Variants in KIF4A observed in about 807,000 individuals in gnomAD.
KIF4A encodes the protein kinesin family member 4A.
In KIF4A, 7 loss-of-function variants were observed where a neutral mutation model predicts 105.9. The ratio of observed to expected loss-of-function variants is 0.07; its 90% CI spans 0.04 to 0.12. KIF4A has a LOEUF of 0.12. KIF4A is among the 10% of genes least tolerant of loss of function. KIF4A has a pLI of 1.00. For synonymous variants in KIF4A, 281 were observed against 331.3 expected, an observed-to-expected ratio of 0.85 and a Z score of 1.65; for missense variants, 558 against 929.2, an observed-to-expected ratio of 0.60 and a Z score of 5.19.
chrX:70,325,835 A>G (rs2085909054), intron 7 of KIF4A, among the ~76,000 whole-genome samples: 1 of 110,368 alleles, frequency 9.1e-6, no homozygotes, highest in Non-Finnish European at 1.9e-5. Context: ...CATTAATAAT[A>G]ACTTAAATAT....
intron 13 of KIF4A, among the ~76,000 whole-genome samples, chrX:70,351,305 C>T (rs1248599140): frequency 2.7e-5 from 3 of 112,320 alleles, no homozygotes; most frequent in Admixed American, 9.4e-5. Flanking sequence ...CATCCCCCAA[C>T]CCTTTCACTC....
chrX:70,381,352 A>G (rs954563485), intron 18 of KIF4A, among the ~76,000 whole-genome samples: 2 of 111,492 alleles, frequency 1.8e-5, no homozygotes, highest in African/African-American at 6.5e-5. Flanking sequence ...CCTGGCCAAC[A>G]TAGTGAAACT....
At chrX:70,304,050 T>TG (rs2085815146) in intron 7 of KIF4A, among the ~76,000 whole-genome samples, 1 of 92,782 alleles carries the variant, frequency 1.1e-5, no homozygotes, top group Non-Finnish European at 2.1e-5. Flanking sequence ...TAACTCGTCA[T>TG]TTAGCATTAG....
At chrX:70,319,217 T>G (rs2085881451) in intron 7 of KIF4A, among the ~76,000 whole-genome samples, 1 of 111,611 alleles carries the variant, frequency 9.0e-6, no homozygotes, top group African/African-American at 3.3e-5. Flanking sequence ...GAGCCGGGAT[T>G]GCACCACTGC....
intron 7 of KIF4A, among the ~76,000 whole-genome samples, chrX:70,311,069 G>A (rs2085847820): frequency 9.3e-6 from 1 of 108,036 alleles, no homozygotes; most frequent in African/African-American, 3.4e-5. Flanking sequence ...AGGCTGTAGT[G>A]AGCCAAGATC....
In KIF4A at chrX:70,353,728, C is replaced by T. The variant is rs781708189; in HGVS notation, c.1595C>T (p.Ala532Val). The change falls in exon 15 of 31, where the codon GCG becomes GTG. Residue 532 changes from alanine (A) to valine (V), a missense_variant. Ala to Val is a moderately conservative substitution (Grantham distance 64). Around this residue, in one of 2 missense-constraint regions of KIF4A, gnomAD observed 469 missense variants for 680.4 expected, o/e 0.69. Transcript: ENST00000374403. ...AAGGAGCTGGTTGAGTTGAATAAAGCGCTTGCACTGAAAGAGGCCCTGGCT... is the reference window on the plus strand; with the variant it reads ...AAGGAGCTGGTTGAGTTGAATAAAGTGCTTGCACTGAAAGAGGCCCTGGCT... ...MSKELVELNK[A>V]LALKEALARK... is the part of the protein sequence containing the mutation. The T allele has an allele frequency of 6.6e-6, 8 of 1,206,281 alleles. No homozygotes were observed. The East Asian group carries it at 8.9e-5, about 13-fold the overall frequency.
At chrX:70,307,716 A>G (rs767079495) in intron 7 of KIF4A, among the ~76,000 whole-genome samples, 4 of 112,072 alleles carry the variant, frequency 3.6e-5, no homozygotes. Context: ...GTCTATTGAT[A>G]TGGTATACTG....
In KIF4A at chrX:70,378,082, CAT is replaced by C. The variant is rs747304130; in HGVS notation, c.2034+1874_2034+1875del. ...ATAAATAATGGGTCTAAAAGGAAGT[CAT>C]AGGGAAATTAAAAAATACTTTGAGA... is the stretch of plus-strand genomic sequence containing the variant. On this transcript the variant is annotated intron_variant, in intron 18 of 30. Transcript: ENST00000374403. Among the ~76,000 whole-genome samples, 417 of 112,057 alleles carry C rather than the reference CAT, an allele frequency of 3.7e-3. 3 individuals are homozygous for C. Among genetic ancestry groups the C allele is most frequent in the Non-Finnish European group, 4.4e-3 (233 of 53,169 alleles).
intron 13 of KIF4A, among the ~76,000 whole-genome samples, chrX:70,349,698 G>A (rs1219000699): frequency 5.1e-5 from 4 of 77,810 alleles, no homozygotes; most frequent in African/African-American, 1.6e-4. Flanking sequence ...TCGGGGTGGC[G>A]GCCGGGCAGA....
rs756238206 is a variant in KIF4A, at chrX:70,330,303, A to G, written c.1042A>G (p.Thr348Ala). ...NKPIVNIDPQ[T>A]AELNHLKQQV... The stretch of plus-strand genomic sequence containing the variant: ...ACCTATTGTTAATATTGATCCCCAG[A>G]CAGCTGAACTTAATCATCTAAAGCA... The change falls in exon 9 of 31, where the codon ACA becomes GCA. Residue 348 changes from threonine to alanine, a missense_variant. Physicochemically the swap from Thr to Ala is moderately conservative, Grantham distance 58. This residue lies in a region of KIF4A where 469 missense variants were observed against 680.4 expected (regional missense o/e 0.69). Transcript: ENST00000374403. 3.6e-5 allele frequency: 43 copies of G among 1,209,585 alleles called. No individual in the cohort carries two copies. The East Asian group carries it at 1.2e-3, about 35-fold the overall frequency.
rs369805198 is a variant in KIF4A, at chrX:70,292,599, G to A, written c.235+1794G>A. 1.4e-3 allele frequency among the ~76,000 whole-genome samples: 152 copies of A among 112,323 alleles called. 2 individuals carry two copies. Among genetic ancestry groups the A allele is most frequent in the Middle Eastern group, 4.6e-3 (1 of 216 alleles). ...TTCATTTTGATCATTTGATTAAGGTGTTAATCTGCTGGGCTTCTCCACTAT... is the reference window on the plus strand; with the variant it reads ...TTCATTTTGATCATTTGATTAAGGTATTAATCTGCTGGGCTTCTCCACTAT... On this transcript the variant is annotated intron_variant, in intron 3 of 30. Transcript: ENST00000374403.
At chrX:70,301,827 C>T in intron 5 of KIF4A, 73 bp from the exon 6 acceptor site, 1 of 1,112,657 alleles carries the variant, frequency 9.0e-7, no homozygotes, top group Non-Finnish European at 1.2e-6. Flanking sequence ...TTTTTTAAAC[C>T]ACCAATCCCT....
chrX:70,400,727 A>G (rs919542960), intron 22 of KIF4A, among the ~76,000 whole-genome samples: 6 of 111,646 alleles, frequency 5.4e-5, no homozygotes. Flanking sequence ...AGAAAATGCT[A>G]CTTTTCAGAA....
intron 3 of KIF4A, among the ~76,000 whole-genome samples, chrX:70,295,151 A>G (rs2085776674): frequency 1.8e-5 from 2 of 111,634 alleles, no homozygotes; most frequent in Non-Finnish European, 3.8e-5. Flanking sequence ...CAAAATAAAC[A>G]TTTTTACCAG....
At chrX:70,350,288 C>G (rs964648098) in intron 13 of KIF4A, among the ~76,000 whole-genome samples, 3 of 111,500 alleles carry the variant, frequency 2.7e-5, no homozygotes, top group African/African-American at 9.8e-5. Context: ...AGCTGGAGAC[C>G]AGCCTGGTCA....
chrX:70,300,542 A>C (rs2085800697), intron 5 of KIF4A, among the ~76,000 whole-genome samples: 1 of 111,687 alleles, frequency 9.0e-6, no homozygotes, highest in African/African-American at 3.3e-5. Flanking sequence ...GAAAGCAGAA[A>C]ATATACACCT....
At chrX:70,303,490 T>C (rs932761957) in intron 7 of KIF4A, among the ~76,000 whole-genome samples, 1 of 112,197 alleles carries the variant, frequency 8.9e-6, no homozygotes, top group Admixed American at 9.5e-5. Context: ...TGAGGAATTT[T>C]ATTTCTGTCA....
rs2086291051 is a variant in KIF4A, at chrX:70,403,975, G to A, written c.2731G>A (p.Glu911Lys). Reference sequence around the variant, plus strand: ...GTTTGAGGAACGAAATCATTTTGCCGAGATAGAGACAGAGTTACAAGCTGA... The same window carrying A: ...GTTTGAGGAACGAAATCATTTTGCCAAGATAGAGACAGAGTTACAAGCTGA... ...MLFEERNHFAEIETELQAELV... is the reference protein window; with the variant it reads ...MLFEERNHFAKIETELQAELV... Residue 911 changes from glutamate to lysine, a missense_variant, in exon 24 of 31, where the codon GAG becomes AAG. Transcript: ENST00000374403. 1.7e-6 allele frequency: 2 copies of A among 1,211,600 alleles called. No individual in the cohort carries two copies. Among genetic ancestry groups the A allele is most frequent in the Middle Eastern group, 2.3e-4 (1 of 4,355 alleles).
chrX:70,357,262 C>T (rs971874257), intron 15 of KIF4A, among the ~76,000 whole-genome samples: 1 of 111,360 alleles, frequency 9.0e-6, no homozygotes. Flanking sequence ...TGCAGTGAGC[C>T]GAGATCACGC....
Sources: allele counts gnomAD v4.1 joint callset (sites outside exome capture counted in the v4.1 genomes callset), GRCh38; gene constraint gnomAD v4.1.1; regional missense constraint gnomAD v4.1.1; transcripts MANE v1.5; gene names NCBI Gene and HGNC (gene_info 2026-07-23, HGNC 2026-07-21).